Variants in PCDH15 observed in about 807,000 individuals in gnomAD.
The protein encoded by PCDH15 is protocadherin related 15.
Under a neutral mutation model 178.5 loss-of-function variants are expected in PCDH15, and 129 were observed. The observed-to-expected ratio is 0.72, with a 90% CI of 0.63 to 0.84. The LOEUF (loss-of-function observed/expected upper bound fraction) is 0.84, where lower values mean the gene tolerates loss of function less well. PCDH15 is among the 40% of genes least tolerant of loss of function. The pLI, the probability that PCDH15 is intolerant of heterozygous loss-of-function variation, is 0.00. For missense variants in PCDH15, 2,230 were observed against 2,099.9 expected (o/e 1.06, Z -1.21); for synonymous variants, 800 against 732.0 (o/e 1.09, Z -1.50).
intron 1 of PCDH15, among the ~76,000 whole-genome samples, chr10:55,237,866 CTA>C (rs1396116345): frequency 1.3e-5 from 2 of 151,692 alleles, no homozygotes; most frequent in South Asian, 2.1e-4. Context: ...ATTATATAAA[CTA>C]TTTTAATATT....
chr10:54,656,290 A>G (rs2094404913), intron 2 of PCDH15, among the ~76,000 whole-genome samples: 1 of 151,878 alleles, frequency 6.6e-6, no homozygotes, highest in African/African-American at 2.4e-5. Context: ...AGAAAGCAGG[A>G]AGAGTCTGGC....
chr10:54,138,777 A>C (rs72797054), intron 14 of PCDH15, among the ~76,000 whole-genome samples: 1 of 152,142 alleles, frequency 6.6e-6, no homozygotes, highest in Admixed American at 6.6e-5. Context: ...TGAGGTCAAG[A>C]AAGTGTGGCT....
intron 36 of PCDH15, 100 bp downstream of exon 36, chr10:53,811,449 T>A: frequency 1.4e-6 from 1 of 700,680 alleles, no homozygotes; most frequent in Non-Finnish European, 2.2e-6. Context: ...GAGATCGACA[T>A]GACATTAAAA....
At chr10:54,069,557 T>C (rs1214830948) in intron 17 of PCDH15, among the ~76,000 whole-genome samples, 4 of 152,156 alleles carry the variant, frequency 2.6e-5, no homozygotes, top group African/African-American at 4.8e-5. Context: ...TAATTTCCAG[T>C]TTATATATTT....
At chr10:55,557,672 G>A (rs1842117572) in intron 2 of PCDH15, among the ~76,000 whole-genome samples, 1 of 152,166 alleles carries the variant, frequency 6.6e-6, no homozygotes, top group Non-Finnish European at 1.5e-5. Flanking sequence ...AGATGGGTTT[G>A]CTTAATATGG....
At chr10:54,597,175 T>G (rs941048058) in intron 2 of PCDH15, among the ~76,000 whole-genome samples, 1 of 152,014 alleles carries the variant, frequency 6.6e-6, no homozygotes, top group Non-Finnish European at 1.5e-5. Flanking sequence ...ACACATATTC[T>G]AACAATGACC....
chr10:53,934,120 C>T (rs1029451774), intron 25 of PCDH15, among the ~76,000 whole-genome samples: 6 of 151,368 alleles, frequency 4.0e-5, no homozygotes, highest in Non-Finnish European at 8.8e-5. Flanking sequence ...CAGTAATGTG[C>T]TCTAATACAA....
chr10:55,170,927 TTC>T (rs1055852903), intron 1 of PCDH15, among the ~76,000 whole-genome samples: 2 of 152,130 alleles, frequency 1.3e-5, no homozygotes, highest in African/African-American at 4.8e-5. Context: ...TAATTGATTT[TTC>T]TCTTAGTATA....
intron 1 of PCDH15, among the ~76,000 whole-genome samples, chr10:54,771,113 T>C (rs1205882037): frequency 6.6e-6 from 1 of 152,230 alleles, no homozygotes; most frequent in East Asian, 1.9e-4. Flanking sequence ...ATGAACCAGA[T>C]AGGTACTTTG....
chr10:54,970,550 A>AT (rs529595769), intron 2 of PCDH15, among the ~76,000 whole-genome samples: 3 of 152,186 alleles, frequency 2.0e-5, no homozygotes, highest in South Asian at 2.1e-4. Context: ...TTATCTGTAG[A>AT]TTTTTTTCTG....
chr10:54,813,773 C>G (rs1285196615), intron 3 of PCDH15, among the ~76,000 whole-genome samples: 2 of 152,160 alleles, frequency 1.3e-5, no homozygotes, highest in Non-Finnish European at 2.9e-5. Flanking sequence ...AAAAAGATTT[C>G]TGATTAAGTC....
intron 1 of PCDH15, among the ~76,000 whole-genome samples, chr10:54,791,690 C>T (rs757753308): frequency 8.6e-5 from 13 of 151,914 alleles, no homozygotes; most frequent in Non-Finnish European, 1.5e-4. Flanking sequence ...TCTCTCTCTA[C>T]TTCATATCTC....
At chr10:55,418,464 A>G (rs16907386) in intron 2 of PCDH15, among the ~76,000 whole-genome samples, 4,592 of 151,866 alleles carry the variant, frequency 0.03, 219 homozygotes, top group African/African-American at 0.1. Flanking sequence ...TTATACTCTA[A>G]AATAGGAACT....
chr10:55,010,798 A>T (rs929154321), intron 2 of PCDH15, among the ~76,000 whole-genome samples: 46 of 101,074 alleles, frequency 4.6e-4, no homozygotes, highest in African/African-American at 1.4e-3. Context: ...ACAACAACTT[A>T]TAAAAAAAAA....
chr10:55,396,224 A>T (rs907109143), intron 2 of PCDH15, among the ~76,000 whole-genome samples: 1 of 152,164 alleles, frequency 6.6e-6, no homozygotes, highest in Non-Finnish European at 1.5e-5. Flanking sequence ...CCTATCATTT[A>T]TTCCAGCACT....
chr10:55,144,418 A>G (rs978757195), intron 2 of PCDH15, among the ~76,000 whole-genome samples: 13 of 152,148 alleles, frequency 8.5e-5, no homozygotes, highest in Non-Finnish European at 1.9e-4. Context: ...CTGCCTTGAT[A>G]TCTCACTGTT....
At chr10:55,303,740 G>T (rs571870096) in intron 1 of PCDH15, among the ~76,000 whole-genome samples, 1 of 151,742 alleles carries the variant, frequency 6.6e-6, no homozygotes, top group Non-Finnish European at 1.5e-5. Flanking sequence ...GATATCTATA[G>T]AGTCTTTAGT....
chr10:54,946,591 G>A (rs183418071), intron 2 of PCDH15, among the ~76,000 whole-genome samples: 16 of 151,820 alleles, frequency 1.1e-4, no homozygotes, highest in East Asian at 3.9e-4. Context: ...AAACACCCCC[G>A]CCCCTGACAA....
At chr10:55,413,747 AACACACTTTT>A (rs1439865861) in intron 2 of PCDH15, among the ~76,000 whole-genome samples, 1 of 151,718 alleles carries the variant, frequency 6.6e-6, no homozygotes, top group African/African-American at 2.4e-5. Flanking sequence ...ATTGCATCTT[AACACACTTTT>A]TAATCTCAGA....
Sources: allele counts gnomAD v4.1 joint callset (sites outside exome capture counted in the v4.1 genomes callset), GRCh38; gene constraint gnomAD v4.1.1; transcripts MANE v1.5; gene names NCBI Gene and HGNC (gene_info 2026-07-23, HGNC 2026-07-21).